TRIM14: variants seen among roughly 807,000 people sequenced by gnomAD.
The protein encoded by TRIM14 is tripartite motif-containing protein 14.
A neutral mutation model predicts 44.5 loss-of-function variants in TRIM14; 28 were observed. The observed-to-expected ratio is 0.63, with a 90% CI of 0.47 to 0.86. The LOEUF is 0.86. Ranked by LOEUF, TRIM14 falls within the 40% of genes least tolerant of loss-of-function variation. The pLI, the probability that TRIM14 is intolerant of heterozygous loss-of-function variation, is 0.00. For missense variants in TRIM14, 607 were observed against 611.1 expected (o/e 0.99, Z 0.07); for synonymous variants, 299 against 269.2 (o/e 1.11, Z -1.08).
chr9:98,090,485 G>C (rs1302522640), intron 5 of TRIM14, among the ~76,000 whole-genome samples: 1 of 152,020 alleles, frequency 6.6e-6, no homozygotes, highest in Non-Finnish European at 1.5e-5. Flanking sequence ...TTCTTGATCT[G>C]AAGGTGGTTA....
At chr9:98,116,089 C>G (rs1299373765) in intron 1 of TRIM14, 1 of 152,022 alleles carries the variant, frequency 6.6e-6, no homozygotes, top group Non-Finnish European at 1.5e-5. Context: ...CACTTGAGGT[C>G]GGAGTTTTCA....
At chr9:98,101,899 T>C (rs1826406519) in intron 2 of TRIM14, among the ~76,000 whole-genome samples, 1 of 151,352 alleles carries the variant, frequency 6.6e-6, no homozygotes, top group Non-Finnish European at 1.5e-5. Context: ...TCCCAGCTAC[T>C]TGGGAGGCTG....
chr9:98,110,139 G>T, intron 1 of TRIM14, 155 bp from the exon 2 acceptor site: 1 of 622,658 alleles, frequency 1.6e-6, no homozygotes, highest in Non-Finnish European at 2.9e-6. Context: ...GCAAGTTGGT[G>T]GATGAGCTGG....
intron 1 of TRIM14, among the ~76,000 whole-genome samples, chr9:98,118,618 G>C (rs1315327797): frequency 6.6e-6 from 1 of 152,208 alleles, no homozygotes; most frequent in Non-Finnish European, 1.5e-5. Context: ...TATTAAGAGG[G>C]AGAGTTTGTA....
chr9:98,056,746 A>AGGCGGCGGC, the TRIM14 span: 5 of 1,567,680 alleles, frequency 3.2e-6, no homozygotes, highest in Admixed American at 3.7e-5. Context: ...AACAGAGTAG[A>AGGCGGCGGC]GGCGGCGGCG....
At chr9:98,074,509 A>G (rs1417945457) in intron 6 of TRIM14, 1 of 152,136 alleles carries the variant, frequency 6.6e-6, no homozygotes, top group East Asian at 1.9e-4. Flanking sequence ...GATCTTCCAG[A>G]TTACTCAGAT....
chr9:98,091,730 C>A (rs1376622462), intron 5 of TRIM14, among the ~76,000 whole-genome samples, 179 bp downstream of exon 5: 1 of 151,852 alleles, frequency 6.6e-6, no homozygotes, highest in Non-Finnish European at 1.5e-5. Context: ...CTACAATGAA[C>A]ATGTATTGTT....
At chr9:98,062,434 C>T in the TRIM14 span, among the ~76,000 whole-genome samples, 2 of 152,006 alleles carry the variant, frequency 1.3e-5, no homozygotes, top group Non-Finnish European at 2.9e-5. Flanking sequence ...CCTTAAAATT[C>T]CTTCATGTGT....
the TRIM14 span, among the ~76,000 whole-genome samples, chr9:98,055,677 G>C: frequency 6.6e-6 from 1 of 152,108 alleles, no homozygotes; most frequent in Non-Finnish European, 1.5e-5. Context: ...AGGCAGTCTA[G>C]TTCCCAGGAA....
At chr9:98,100,615 T>A (rs1029633035) in intron 2 of TRIM14, among the ~76,000 whole-genome samples, 2 of 152,100 alleles carry the variant, frequency 1.3e-5, no homozygotes, top group Non-Finnish European at 2.9e-5. Flanking sequence ...GATAAGAGGT[T>A]ATCTGCCTTA....
intron 2 of TRIM14, among the ~76,000 whole-genome samples, chr9:98,101,700 A>T (rs1261688196): frequency 6.6e-6 from 1 of 152,212 alleles, no homozygotes; most frequent in East Asian, 1.9e-4. Flanking sequence ...GATTACAGGC[A>T]TGAGCCACTG....
rs1829611685 is a variant in TRIM14, at chr9:98,076,805, C to T, written c.*29-7118G>A. 3.9e-6 allele frequency: 3 copies of T among 765,276 alleles called. No homozygotes were observed. In the East Asian group the frequency reaches 8.0e-5, roughly 20 times the overall value. The allele number at this position is 765,276 out of a possible 1,614,324, so 47.4% of individuals were successfully genotyped here. A position where few individuals can be genotyped will look rare whatever the true frequency, so the allele number is the denominator to read the frequency against. On this transcript the variant is annotated intron_variant, in intron 6 of 6. Coordinates refer to the TRIM14 transcript ENST00000375098. ...TGCCTGCTTTCAAGTTGCTGAGCGT[C>T]CCTCTACTGCCTAAGATGAGGGGTT...
At position 98,100,094 on chromosome 9, in the gene TRIM14, T is replaced by G; in HGVS notation, c.374A>C (p.Glu125Ala). 1 of 1,614,248 alleles carries G rather than the reference T, an allele frequency of 6.2e-7. No homozygotes were observed. Among genetic ancestry groups the G allele is most frequent in the Non-Finnish European group, 8.5e-7 (1 of 1,180,044 alleles). Residue 125 changes from glutamate to alanine, a missense_variant, in exon 3 of 6, where the codon GAG (glutamate) becomes GCG (alanine). This residue lies in a region of TRIM14 where 246 missense variants were observed against 270.8 expected (regional missense o/e 0.91). Transcript: ENST00000341469. ...AATGAATTTCTTGGCCAGCGCTTCCTCTTCGTCAAGTAGTAATCTGAGTTC... is the reference window on the plus strand; with the variant it reads ...AATGAATTTCTTGGCCAGCGCTTCCGCTTCGTCAAGTAGTAATCTGAGTTC... ...FTELRLLLDE[E>A]EALAKKFIDK...
downstream of TRIM14, among the ~76,000 whole-genome samples, chr9:98,080,031 T>C (rs1322828025): frequency 2.6e-5 from 4 of 152,176 alleles, no homozygotes; most frequent in Non-Finnish European, 2.9e-5. Context: ...CTGGCCAATG[T>C]GGCGAAACCC....
chr9:98,079,237 G>A (rs750485055), intron 6 of TRIM14, among the ~76,000 whole-genome samples: 2 of 152,110 alleles, frequency 1.3e-5, no homozygotes, highest in Admixed American at 6.5e-5. Flanking sequence ...ACTGTCTCAC[G>A]CCATCTCTCT....
the TRIM14 span, among the ~76,000 whole-genome samples, chr9:98,045,343 C>T: frequency 2.0e-4 from 30 of 152,330 alleles, no homozygotes; most frequent in African/African-American, 6.7e-4. Flanking sequence ...AAAGCTGCCT[C>T]CTTACATATT....
the TRIM14 span, among the ~76,000 whole-genome samples, chr9:98,041,274 TAAG>T: frequency 1.3e-5 from 2 of 152,134 alleles, no homozygotes; most frequent in Non-Finnish European, 2.9e-5. Context: ...AAAAAAAACT[TAAG>T]AACAACTAAC....
intron 5 of TRIM14, 26 bp downstream of exon 5, chr9:98,091,883 C>T (rs770242318): frequency 2.6e-6 from 4 of 1,552,280 alleles, no homozygotes; most frequent in Non-Finnish European, 3.5e-6. Flanking sequence ...CCGTCTCCAC[C>T]CTATCCCCAC....
chr9:98,065,308 CTT>C (rs758040892), downstream of TRIM14, among the ~76,000 whole-genome samples: 169 of 92,750 alleles, frequency 1.8e-3, no homozygotes, highest in Middle Eastern at 0.016. Context: ...ACTCCTGGTG[CTT>C]TTTTTTTTTT....
Sources: gnomAD v4.1 joint callset for allele counts (sites outside exome capture counted in the v4.1 genomes callset) on GRCh38, gnomAD v4.1.1 for gene constraint, gnomAD v4.1.1 regional missense constraint, MANE v1.5 for transcripts, NCBI Gene and HGNC (gene_info 2026-07-23, HGNC 2026-07-21) for gene names.